The following BMAL2 variants were observed in gnomAD, a reference collection of about 807,000 sequenced individuals.
The protein encoded by BMAL2 is basic helix-loop-helix ARNT like 2.
At chr12:27,423,905 G>A in the BMAL2 span, 1 of 152,188 alleles carries the variant, frequency 6.6e-6, no homozygotes, top group African/African-American at 2.4e-5. Flanking sequence ...CTAGCCACAT[G>A]TGGCTACTGA....
chr12:27,408,120 A>C, the BMAL2 span, among the ~76,000 whole-genome samples: 1 of 152,072 alleles, frequency 6.6e-6, no homozygotes, highest in Admixed American at 6.6e-5. Flanking sequence ...CAACCAAAAA[A>C]AGTCCAGGAC....
At chr12:27,424,895 G>A in the BMAL2 span, 1 of 152,192 alleles carries the variant, frequency 6.6e-6, no homozygotes, top group African/African-American at 2.4e-5. Flanking sequence ...TATGATTTTT[G>A]TGCCTACAAT....
the BMAL2 span, among the ~76,000 whole-genome samples, chr12:27,378,253 T>A: frequency 1.3e-5 from 2 of 152,232 alleles, no homozygotes; most frequent in Non-Finnish European, 2.9e-5. Flanking sequence ...TTTCTTTCTC[T>A]TGTGATGCTT....
chr12:27,382,421 A>G, the BMAL2 span, among the ~76,000 whole-genome samples: 2 of 152,172 alleles, frequency 1.3e-5, no homozygotes, highest in Non-Finnish European at 2.9e-5. Flanking sequence ...TGACTTAGGA[A>G]GAGATCGTCA....
chr12:27,377,462 C>G, the BMAL2 span: 1 of 152,268 alleles, frequency 6.6e-6, no homozygotes, highest in Admixed American at 6.5e-5. Flanking sequence ...GAGAGAGCAC[C>G]CCTTCCTCTG....
chr12:27,386,088 G>A, the BMAL2 span, among the ~76,000 whole-genome samples: 1 of 151,502 alleles, frequency 6.6e-6, no homozygotes, highest in Non-Finnish European at 1.5e-5. Context: ...TGACTACTAG[G>A]TTTTAAGCCA....
the BMAL2 span, chr12:27,417,953 G>A: frequency 4.7e-5 from 22 of 468,780 alleles, no homozygotes; most frequent in Middle Eastern, 5.8e-4. Context: ...AGATCATGCC[G>A]CTGCACTCCA....
the BMAL2 span, among the ~76,000 whole-genome samples, chr12:27,364,151 G>A: frequency 6.6e-6 from 1 of 152,034 alleles, no homozygotes; most frequent in Non-Finnish European, 1.5e-5. Context: ...TTTTACGGTG[G>A]CACTAATCCT....
the BMAL2 span, among the ~76,000 whole-genome samples, chr12:27,395,767 A>T: frequency 1.3e-5 from 2 of 152,220 alleles, no homozygotes; most frequent in Admixed American, 1.3e-4. Flanking sequence ...ATTAGAGTTA[A>T]TTCGTAGTTG....
At chr12:27,333,202 G>C in the BMAL2 span, 1 of 1,139,228 alleles carries the variant, frequency 8.8e-7, no homozygotes, top group Non-Finnish European at 1.1e-6. Context: ...CCGCTGCCCC[G>C]AGGGAAGCGC....
At chr12:27,403,396 A>G in the BMAL2 span, 1 of 1,262,510 alleles carries the variant, frequency 7.9e-7, no homozygotes. Flanking sequence ...AGAAAGATAA[A>G]GTCCTCAACT....
chr12:27,390,157 A>G, the BMAL2 span: 3 of 1,613,996 alleles, frequency 1.9e-6, no homozygotes, highest in Middle Eastern at 1.6e-4. Flanking sequence ...CTGGCTCAAG[A>G]CGATCTTTTT....
chr12:27,352,996 A>G, the BMAL2 span, among the ~76,000 whole-genome samples: 2 of 152,176 alleles, frequency 1.3e-5, no homozygotes, highest in African/African-American at 2.4e-5. Flanking sequence ...TAAAATGGCT[A>G]TACTGCCCAA....
At chr12:27,410,688 A>G in the BMAL2 span, among the ~76,000 whole-genome samples, 1 of 152,210 alleles carries the variant, frequency 6.6e-6, no homozygotes, top group Non-Finnish European at 1.5e-5. Context: ...TGTCACATGT[A>G]TACATATGTA....
the BMAL2 span, among the ~76,000 whole-genome samples, chr12:27,413,362 T>C: frequency 6.6e-6 from 1 of 152,226 alleles, no homozygotes; most frequent in Non-Finnish European, 1.5e-5. Context: ...AAGATATCAA[T>C]TGTGACATCA....
the BMAL2 span, chr12:27,416,044 C>CA: frequency 0.069 from 49,814 of 718,892 alleles, 829 homozygotes; most frequent in Non-Finnish European, 0.079. Flanking sequence ...GCCATTCTGT[C>CA]AAAAAAAAAA....
chr12:27,395,262 C>A, the BMAL2 span, among the ~76,000 whole-genome samples: 1 of 152,204 alleles, frequency 6.6e-6, no homozygotes, highest in Admixed American at 6.5e-5. Flanking sequence ...CTTGTCTGGG[C>A]TCCTCCTCCT....
the BMAL2 span, chr12:27,401,437 G>A: frequency 1.9e-6 from 3 of 1,549,392 alleles, no homozygotes; most frequent in Non-Finnish European, 2.7e-6. Flanking sequence ...TCCCATTCCT[G>A]TGAAATTTGA....
At chr12:27,360,880 A>ACT in the BMAL2 span, among the ~76,000 whole-genome samples, 1 of 147,514 alleles carries the variant, frequency 6.8e-6, no homozygotes. Context: ...CCGGGTTTGG[A>ACT]CTCTCAGAAG....
Sources: gnomAD v4.1 joint callset for allele counts (sites outside exome capture counted in the v4.1 genomes callset) on GRCh38, gnomAD v4.1.1 for gene constraint, MANE v1.5 for transcripts, NCBI Gene and HGNC (gene_info 2026-07-23, HGNC 2026-07-21) for gene names.